The following KDM4C variants were observed in gnomAD, a reference collection of about 807,000 sequenced individuals.
KDM4C encodes the protein lysine-specific demethylase 4C.
KDM4C carries 81 observed loss-of-function variants against 129.3 expected under a neutral mutation model. The observed-to-expected ratio is 0.63, with a 90% CI of 0.52 to 0.75. KDM4C has a LOEUF of 0.75. Among genes scored for constraint, KDM4C ranks in the 30% least tolerant of loss-of-function variants. The pLI is 0.00. For missense variants in KDM4C, 1,457 were observed against 1,304.0 expected, an observed-to-expected ratio of 1.12 and a Z score of -1.81; for synonymous variants, 573 against 456.1, an observed-to-expected ratio of 1.26 and a Z score of -3.26.
rs1491312956 is a variant in KDM4C, at chr9:6,746,263, T to TATA, written c.49+25266_49+25267insATA. Among the ~76,000 whole-genome samples, 128 of 51,312 alleles carry TATA rather than the reference T, an allele frequency of 2.5e-3. 1 individual carries two copies. The highest frequency in any genetic ancestry group is 6.7e-3 in the African/African-American group (91 of 13,646). The allele number at this position is 51,312 out of a possible 152,430, so 33.7% of individuals were successfully genotyped here. A position where few individuals can be genotyped will look rare whatever the true frequency, so the allele number is the denominator to read the frequency against. On this transcript the variant is annotated intron_variant, in intron 1 of 17. Transcript: ENST00000536108. ...GCCAGCCATTATATATATATATATG[T>TATA]TTTTTTTTTTTTTTTTTTTTTTGGA...
intron 15 of KDM4C, among the ~76,000 whole-genome samples, chr9:7,021,844 TA>T (rs1255719772): frequency 2.0e-5 from 3 of 152,184 alleles, no homozygotes; most frequent in African/African-American, 4.8e-5. Flanking sequence ...TGGGAAGAGA[TA>T]GGGGTCAAGT....
At position 6,893,192 on chromosome 9, in the gene KDM4C, C is replaced by T; in HGVS notation, c.881C>T (p.Ala294Val). 1 of 1,611,014 alleles carries T rather than the reference C, an allele frequency of 6.2e-7. No homozygotes were observed. Among genetic ancestry groups the T allele is most frequent in the Non-Finnish European group, 8.5e-7 (1 of 1,178,588 alleles). ...GFNCAESTNF[A>V]TVRWIDYGKV... ...AACTGTGCAGAATCTACAAATTTTG[C>T]TACTGTCAGATGGATTGACTATGGA... is the stretch of plus-strand genomic sequence containing the variant. The change falls in exon 8 of 22, where the codon GCT (alanine) becomes GTT (valine). Residue 294 changes from alanine to valine, a missense_variant. Transcript: ENST00000381309.
At chr9:6,799,139 C>G (rs1027577310) in intron 2 of KDM4C, among the ~76,000 whole-genome samples, 13 of 151,670 alleles carry the variant, frequency 8.6e-5, no homozygotes, top group South Asian at 2.1e-4. Context: ...CAGGCAGAGA[C>G]ACTCCTCACT....
intron 16 of KDM4C, 112 bp downstream of exon 16, chr9:7,047,029 G>C (rs1829504914): frequency 1.3e-6 from 1 of 747,504 alleles, no homozygotes; most frequent in Non-Finnish European, 2.3e-6. Flanking sequence ...CAAAGCTTTT[G>C]CTGCTCAGAT....
chr9:7,013,310 T>C (rs1823031592), intron 13 of KDM4C, among the ~76,000 whole-genome samples: 1 of 152,206 alleles, frequency 6.6e-6, no homozygotes, highest in African/African-American at 2.4e-5. Context: ...TAGTGACATG[T>C]GCCAGTTCTC....
At chr9:6,993,426 T>C (rs753270192) in intron 12 of KDM4C, among the ~76,000 whole-genome samples, 2 of 152,238 alleles carry the variant, frequency 1.3e-5, no homozygotes, top group African/African-American at 4.8e-5. Context: ...TAAAATTCTT[T>C]TTATTGCCCA....
At chr9:6,970,524 C>T (rs544530241) in intron 8 of KDM4C, among the ~76,000 whole-genome samples, 1 of 152,130 alleles carries the variant, frequency 6.6e-6, no homozygotes, top group Non-Finnish European at 1.5e-5. Context: ...TGTTAGTTTT[C>T]TTTCCAATAT....
At chr9:7,105,455 T>G (rs985536670) in intron 18 of KDM4C, 3 of 470,926 alleles carry the variant, frequency 6.4e-6, no homozygotes, top group Non-Finnish European at 1.3e-5. Context: ...CTACTACTAC[T>G]TCTGCTGCTG....
chr9:7,011,555 C>T, intron 12 of KDM4C, 143 bp from the exon 13 acceptor site: 1 of 706,680 alleles, frequency 1.4e-6, no homozygotes. Flanking sequence ...CTGGCTCTCT[C>T]AGGATGTATT....
intron 4 of KDM4C, among the ~76,000 whole-genome samples, chr9:6,817,628 A>G (rs1347093874): frequency 6.6e-6 from 1 of 152,200 alleles, no homozygotes; most frequent in African/African-American, 2.4e-5. Flanking sequence ...AATTTTTACT[A>G]GTATAAGTAA....
intron 6 of KDM4C, among the ~76,000 whole-genome samples, chr9:6,881,625 C>G (rs550603210): frequency 4.6e-5 from 7 of 152,286 alleles, no homozygotes; most frequent in Non-Finnish European, 8.8e-5. Flanking sequence ...ACTTCTAATG[C>G]TTTGACGTAA....
intron 2 of KDM4C, among the ~76,000 whole-genome samples, chr9:6,798,245 TTTC>T (rs1304187271): frequency 2.9e-5 from 2 of 67,870 alleles, no homozygotes; most frequent in Non-Finnish European, 5.5e-5. Flanking sequence ...AACTTCCTTT[TTTC>T]TTTCTTTCTT....
intron 17 of KDM4C, among the ~76,000 whole-genome samples, chr9:7,100,865 T>C (rs1293289143): frequency 5.9e-5 from 9 of 152,146 alleles, no homozygotes. Context: ...TGGTATCCTT[T>C]GCCTAAAGGA....
intron 12 of KDM4C, among the ~76,000 whole-genome samples, chr9:6,999,230 G>A (rs983384288): frequency 6.6e-6 from 1 of 152,146 alleles, no homozygotes; most frequent in African/African-American, 2.4e-5. Flanking sequence ...TAACTGTATT[G>A]ATGTAGATTT....
At chr9:7,144,233 A>T (rs1156515300) in intron 19 of KDM4C, among the ~76,000 whole-genome samples, 2 of 152,028 alleles carry the variant, frequency 1.3e-5, no homozygotes, top group African/African-American at 4.8e-5. Context: ...TGGGAGGCCA[A>T]GGTGAGAGAG....
intron 1 of KDM4C, among the ~76,000 whole-genome samples, chr9:6,777,932 C>A (rs77653512): frequency 2.2e-5 from 2 of 92,296 alleles, no homozygotes; most frequent in South Asian, 3.3e-4. Flanking sequence ...TTTTTTTTTT[C>A]TCCCCATAAA....
chr9:6,807,420 C>T (rs1830212131), intron 3 of KDM4C, among the ~76,000 whole-genome samples: 1 of 145,364 alleles, frequency 6.9e-6, no homozygotes, highest in South Asian at 2.2e-4. Context: ...CGGCCGCCAT[C>T]CCATCTAGGA....
chr9:6,804,421 A>G (rs903921088), intron 2 of KDM4C, among the ~76,000 whole-genome samples: 1 of 152,216 alleles, frequency 6.6e-6, no homozygotes, highest in Admixed American at 6.5e-5. Flanking sequence ...AAGATCTACT[A>G]GCATACCGCT....
intron 5 of KDM4C, among the ~76,000 whole-genome samples, chr9:6,868,684 C>A (rs557462027): frequency 1.3e-5 from 2 of 151,778 alleles, no homozygotes; most frequent in Non-Finnish European, 2.9e-5. Flanking sequence ...AGTACAGACA[C>A]GACCGTTTCC....
Sources: gnomAD v4.1 joint callset for allele counts (sites outside exome capture counted in the v4.1 genomes callset) on GRCh38, gnomAD v4.1.1 for gene constraint, MANE v1.5 for transcripts, NCBI Gene and HGNC (gene_info 2026-07-23, HGNC 2026-07-21) for gene names.